The following ADGRL3 variants were observed in gnomAD, a reference collection of about 807,000 sequenced individuals.
ADGRL3 encodes calcium-independent alpha-latrotoxin receptor 3.
Under a neutral mutation model 153.5 loss-of-function variants are expected in ADGRL3, and 62 were observed. That is an observed-to-expected ratio of 0.40 (90% CI 0.33 to 0.50). The LOEUF (loss-of-function observed/expected upper bound fraction) is 0.50, where lower values mean the gene tolerates loss of function less well. ADGRL3 is among the 20% of genes least tolerant of loss of function. The pLI, the probability that ADGRL3 is intolerant of heterozygous loss-of-function variation, is 0.47. For synonymous variants in ADGRL3, 710 were observed against 672.5 expected (o/e 1.06, Z -0.86); for missense variants, 1,641 against 1,859.4 (o/e 0.88, Z 2.16).
chr4:62,046,856 A>T (rs1239717916), intron 25 of ADGRL3, among the ~76,000 whole-genome samples: 1 of 152,010 alleles, frequency 6.6e-6, no homozygotes, highest in East Asian at 1.9e-4. Flanking sequence ...TGAGTGGACT[A>T]CTTGAAATTT....
chr4:61,580,917 C>T (rs2098922140), intron 4 of ADGRL3, among the ~76,000 whole-genome samples: 2 of 152,028 alleles, frequency 1.3e-5, no homozygotes, highest in Non-Finnish European at 2.9e-5. Context: ...AGAAGCGAGT[C>T]ACTCAGTACA....
At chr4:61,925,677 G>T (rs375141694) in intron 13 of ADGRL3, among the ~76,000 whole-genome samples, 1 of 152,014 alleles carries the variant, frequency 6.6e-6, no homozygotes, top group East Asian at 1.9e-4. Context: ...TAAACAACCA[G>T]ATCTCGCAAG....
chr4:61,421,317 G>A (rs1334194799), intron 2 of ADGRL3, among the ~76,000 whole-genome samples: 1 of 151,762 alleles, frequency 6.6e-6, no homozygotes, highest in Non-Finnish European at 1.5e-5. Context: ...CTGGGCGACA[G>A]AGCAAGACTT....
intron 1 of ADGRL3, among the ~76,000 whole-genome samples, chr4:61,303,225 A>G (rs540119864): frequency 3.3e-5 from 5 of 152,184 alleles, no homozygotes; most frequent in Non-Finnish European, 7.4e-5. Context: ...TACAATGCCT[A>G]CTTTGAAAGC....
In ADGRL3 at chr4:61,998,158, A is replaced by G; in HGVS notation, c.3304-16A>G. 1 of 1,420,386 alleles carries G rather than the reference A, an allele frequency of 7.0e-7. No homozygotes were observed. Among genetic ancestry groups the G allele is most frequent in the Non-Finnish European group, 9.7e-7 (1 of 1,032,880 alleles). The allele number at this position is 1,420,386 out of a possible 1,614,324, so 88.0% of individuals were successfully genotyped here. A position where few individuals can be genotyped will look rare whatever the true frequency, so the allele number is the denominator to read the frequency against. ...TACTCCAATTATGCTACATAACACT[A>G]CCTTTTGCATTCCAGCTTAATGTAA... On this transcript the variant is annotated splice_polypyrimidine_tract_variant and intron_variant, in intron 20 of 26. Coordinates refer to ENST00000683033, the MANE Select transcript of ADGRL3 (RefSeq NM_001387552.1).
intron 5 of ADGRL3, among the ~76,000 whole-genome samples, chr4:61,588,512 A>C (rs2098956045): frequency 6.6e-6 from 1 of 151,984 alleles, no homozygotes; most frequent in South Asian, 2.1e-4. Flanking sequence ...CAGGTTTTTG[A>C]TGATTAAAGC....
rs542794060 is a variant in ADGRL3 at position 61,794,540 on chromosome 4, T to C, written c.1400-19269T>C. On this transcript the variant is annotated intron_variant, in intron 8 of 26. Transcript: ENST00000683033. Reference sequence around the variant, plus strand: ...GAGTGATATTTTTCTGTGAATTCATTTGAAGAAATAATGCTAATCTGTACA... The same window carrying C: ...GAGTGATATTTTTCTGTGAATTCATCTGAAGAAATAATGCTAATCTGTACA... Among the ~76,000 whole-genome samples, 18 of 152,382 alleles carry C rather than the reference T, an allele frequency of 1.2e-4. 1 individual carries two copies. The South Asian group carries it at 3.7e-3, about 32-fold the overall frequency.
intron 1 of ADGRL3, among the ~76,000 whole-genome samples, chr4:61,353,524 G>A (rs1163384556): frequency 6.6e-6 from 1 of 151,796 alleles, no homozygotes; most frequent in Non-Finnish European, 1.5e-5. Flanking sequence ...TTATCTAAAA[G>A]AGGTGTTTTA....
At chr4:61,549,444 A>G (rs1446071991) in intron 4 of ADGRL3, among the ~76,000 whole-genome samples, 2 of 151,748 alleles carry the variant, frequency 1.3e-5, no homozygotes, top group African/African-American at 4.8e-5. Flanking sequence ...TGCATTAATT[A>G]TTTTGTCTGC....
At chr4:61,667,736 G>C (rs1017764825) in intron 5 of ADGRL3, among the ~76,000 whole-genome samples, 1 of 152,146 alleles carries the variant, frequency 6.6e-6, no homozygotes, top group African/African-American at 2.4e-5. Flanking sequence ...GAATTTCATT[G>C]TGATAAAAGC....
At chr4:61,826,150 A>G (rs2097798261) in intron 9 of ADGRL3, among the ~76,000 whole-genome samples, 2 of 152,170 alleles carry the variant, frequency 1.3e-5, no homozygotes, top group African/African-American at 4.8e-5. Flanking sequence ...TAAACAGTCA[A>G]GATTATAAAT....
rs116779600 is a variant in ADGRL3 at position 61,491,738 on chromosome 4, C to T, written c.-173-5383C>T. On this transcript the variant is annotated intron_variant, in intron 2 of 26. Transcript: ENST00000683033. ...CCTGTCCTTATTTCTTTTCTCCATA[C>T]GTCAGTGTTATATTATTTTTACCAT... is the stretch of plus-strand genomic sequence containing the variant. Among the ~76,000 whole-genome samples, 635 of 152,076 alleles carry T rather than the reference C, an allele frequency of 4.2e-3. 7 individuals carry two copies. Among genetic ancestry groups the T allele is most frequent in the African/African-American group, 0.014 (572 of 41,484 alleles).
intron 11 of ADGRL3, among the ~76,000 whole-genome samples, chr4:61,899,287 G>T (rs79612193): frequency 0.019 from 2,818 of 151,696 alleles, 95 homozygotes; most frequent in African/African-American, 0.066. Flanking sequence ...CTCCCTCTTT[G>T]ATTTCCTTTT....
At chr4:61,429,501 T>C (rs149635188) in intron 2 of ADGRL3, among the ~76,000 whole-genome samples, 1 of 152,292 alleles carries the variant, frequency 6.6e-6, no homozygotes, top group East Asian at 1.9e-4. Context: ...ATGATAATTG[T>C]ACAGTTGATG....
At chr4:61,321,922 T>C (rs1414009316) in intron 1 of ADGRL3, among the ~76,000 whole-genome samples, 1 of 152,150 alleles carries the variant, frequency 6.6e-6, no homozygotes, top group Non-Finnish European at 1.5e-5. Flanking sequence ...ATCAGGTTGT[T>C]ACATAGTTTT....
At chr4:61,278,787 T>C (rs1578093832) in intron 1 of ADGRL3, among the ~76,000 whole-genome samples, 1 of 152,300 alleles carries the variant, frequency 6.6e-6, no homozygotes, top group Non-Finnish European at 1.5e-5. Flanking sequence ...ATTACAGGTG[T>C]GAGCCACTGC....
At chr4:61,201,942 G>T (rs1405436738) in intron 1 of ADGRL3, among the ~76,000 whole-genome samples, 177 bp downstream of exon 1, 2 of 152,104 alleles carry the variant, frequency 1.3e-5, no homozygotes, top group Non-Finnish European at 2.9e-5. Context: ...GGCGGGAAGG[G>T]AACCTCCTGG....
At chr4:61,610,669 G>A (rs1026639442) in intron 5 of ADGRL3, among the ~76,000 whole-genome samples, 3 of 152,086 alleles carry the variant, frequency 2.0e-5, no homozygotes, top group African/African-American at 7.2e-5. Flanking sequence ...TAACAAGACT[G>A]TAGACAAACA....
chr4:61,866,383 G>A (rs2098400290), intron 9 of ADGRL3, among the ~76,000 whole-genome samples: 1 of 152,142 alleles, frequency 6.6e-6, no homozygotes, highest in East Asian at 1.9e-4. Flanking sequence ...ACCTGCTAGT[G>A]GCATGAGATA....
Sources: allele counts gnomAD v4.1 joint callset (sites outside exome capture counted in the v4.1 genomes callset), GRCh38; gene constraint gnomAD v4.1.1; transcripts MANE v1.5; gene names NCBI Gene and HGNC (gene_info 2026-07-23, HGNC 2026-07-21).